ADAMTS8: variants seen among roughly 807,000 people sequenced by gnomAD.
The protein encoded by ADAMTS8 is A disintegrin and metalloproteinase with thrombospondin motifs 8.
A neutral mutation model predicts 64.4 loss-of-function variants in ADAMTS8; 50 were observed. The ratio of observed to expected loss-of-function variants is 0.78; its 90% CI spans 0.62 to 0.98. The LOEUF (loss-of-function observed/expected upper bound fraction) is 0.98. Ranked by LOEUF, ADAMTS8 falls within the 50% of genes least tolerant of loss-of-function variation. The pLI is 0.00. For missense variants in ADAMTS8, 1,192 were observed against 1,208.2 expected (o/e 0.99, Z 0.20); for synonymous variants, 556 against 533.6 (o/e 1.04, Z -0.58).
rs1452998761 is a variant in ADAMTS8, at chr11:130,405,761, C to T, written c.2467G>A (p.Ala823Thr). 2 of 1,614,056 alleles carry T rather than the reference C, an allele frequency of 1.2e-6. No homozygotes were observed. The highest frequency in any genetic ancestry group is 2.7e-5 in the African/African-American group (2 of 74,950). The stretch of plus-strand genomic sequence containing the variant: ...AGCGGCTGGATGATGTTGGTGGTTG[C>T]TCTCTCTTTGCTGCTCTGCATGCTA... ...DFSMQSSKER[A>T]TTNIIQPLLH... Residue 823 changes from alanine to threonine, a missense_variant, in exon 9 of 9, where the codon GCA becomes ACA. Physicochemically the swap from Ala to Thr is moderately conservative, Grantham distance 58. Transcript: ENST00000257359.
intron 6 of ADAMTS8, 108 bp from the exon 7 acceptor site, chr11:130,409,048 A>C: frequency 1.5e-6 from 2 of 1,344,058 alleles, no homozygotes; most frequent in Non-Finnish European, 2.0e-6. Flanking sequence ...TTGGTTTTGA[A>C]CTCAACCCAG....
At chr11:130,422,293 A>C (rs972209283) in intron 1 of ADAMTS8, among the ~76,000 whole-genome samples, 1 of 151,874 alleles carries the variant, frequency 6.6e-6, no homozygotes, top group Non-Finnish European at 1.5e-5. Flanking sequence ...AAAAATAACA[A>C]CACCCTGGCC....
In ADAMTS8 at chr11:130,425,971, T is replaced by G. The variant is rs570550802; in HGVS notation, c.720+1596A>C. ...GGTCCTAAAGAGATGGGAGAAGCCC[T>G]CTTCTCACCCCTCTCCTGCCACACT... On this transcript the variant is annotated intron_variant, in intron 1 of 8. Transcript: ENST00000257359. 1.5e-3 allele frequency among the ~76,000 whole-genome samples: 221 copies of G among 152,224 alleles called. 1 individual carries two copies. The highest frequency in any genetic ancestry group is 4.9e-3 in the African/African-American group (204 of 41,522).
At chr11:130,414,956 A>G (rs1862002984) in intron 4 of ADAMTS8, 124 bp from the exon 5 acceptor site, 3 of 1,033,206 alleles carry the variant, frequency 2.9e-6, no homozygotes, top group Non-Finnish European at 4.1e-6. Context: ...TCCAACTAAA[A>G]GCTGTCACCA....
chr11:130,424,376 CCACGCTGTGAATTGAA>C (rs1311565853), intron 1 of ADAMTS8, among the ~76,000 whole-genome samples: 1 of 152,184 alleles, frequency 6.6e-6, no homozygotes, highest in African/African-American at 2.4e-5. Context: ...GTGTGTAAAA[CCACGCTGTGAATTGAA>C]CACGCTCAGA....
rs768778400 is a variant in ADAMTS8 at position 130,408,565 on chromosome 11, A to G, written c.1998T>C (p.Cys666=). The G allele has an allele frequency of 6.2e-7, 1 of 1,614,196 alleles. No homozygotes were observed. Among genetic ancestry groups the G allele is most frequent in the South Asian group, 1.1e-5 (1 of 91,078 alleles). The change falls in exon 8 of 9, where the codon TGT becomes TGC. Residue 666 remains cysteine (C), a synonymous_variant. Coordinates refer to ENST00000257359, the MANE Select transcript of ADAMTS8 (RefSeq NM_007037.6). Reference sequence around the variant, plus strand: ...TCCGAGGCGAGTCCACCACATGGTCACAGCCGGCCTTGACACACTGGCCAC... The same window carrying G: ...TCCGAGGCGAGTCCACCACATGGTCGCAGCCGGCCTTGACACACTGGCCAC... ...CVRGQCVKAG[C]DHVVDSPRKL...
At chr11:130,425,609 T>TC (rs1295281661) in intron 1 of ADAMTS8, among the ~76,000 whole-genome samples, 4 of 150,932 alleles carry the variant, frequency 2.7e-5, no homozygotes, top group African/African-American at 9.8e-5. Context: ...TTTTCTTTTT[T>TC]TTTTTTTTTA....
At chr11:130,408,331 C>T (rs1026795650) in intron 8 of ADAMTS8, 133 bp downstream of exon 8, 18 of 1,067,236 alleles carry the variant, frequency 1.7e-5, no homozygotes, top group Middle Eastern at 3.2e-4. Flanking sequence ...AACTGAAGCT[C>T]GGAGAGTTTA....
Sources: allele counts gnomAD v4.1 joint callset (sites outside exome capture counted in the v4.1 genomes callset), GRCh38; gene constraint gnomAD v4.1.1; transcripts MANE v1.5; gene names NCBI Gene and HGNC (gene_info 2026-07-23, HGNC 2026-07-21).